HHIPL1: variants seen among roughly 807,000 people sequenced by gnomAD.
HHIPL1 encodes HHIP like 1.
Under a neutral mutation model 61.8 loss-of-function variants are expected in HHIPL1, and 43 were observed. The observed-to-expected ratio is 0.70, with a 90% confidence interval of 0.55 to 0.90. The LOEUF is 0.90. Among genes scored for constraint, HHIPL1 ranks in the 40% least tolerant of loss-of-function variants. The pLI is 0.00. For synonymous variants in HHIPL1, 482 were observed against 515.8 expected, an observed-to-expected ratio of 0.93 and a Z score of 0.89; for missense variants, 1,056 against 1,157.7, an observed-to-expected ratio of 0.91 and a Z score of 1.28.
chr14:99,615,871 A>G, the HHIPL1 span, among the ~76,000 whole-genome samples: 13,730 of 152,236 alleles, frequency 0.09, 707 homozygotes, highest in Non-Finnish European at 0.11. Flanking sequence ...CCTTGGTAGG[A>G]GTGCTTGGCT....
At chr14:99,604,553 T>G in the HHIPL1 span, 1 of 152,032 alleles carries the variant, frequency 6.6e-6, no homozygotes, top group Non-Finnish European at 1.5e-5. Flanking sequence ...CGGTTCAAGT[T>G]TCTGCGCCCG....
chr14:99,644,053 T>C (rs1413498404), upstream of HHIPL1, among the ~76,000 whole-genome samples: 1 of 152,172 alleles, frequency 6.6e-6, no homozygotes, highest in Non-Finnish European at 1.5e-5. Flanking sequence ...TCAGAGATGT[T>C]TGGCTGTGCG....
At chr14:99,663,294 G>A (rs1356289842) in intron 6 of HHIPL1, among the ~76,000 whole-genome samples, 1 of 152,168 alleles carries the variant, frequency 6.6e-6, no homozygotes, top group Non-Finnish European at 1.5e-5. Flanking sequence ...TAGAAGAATG[G>A]CCACTCCATA....
At chr14:99,656,859 G>A (rs551947549) in intron 2 of HHIPL1, 141 bp from the exon 3 acceptor site, 28,800 of 48,014 alleles carry the variant, frequency 0.6, 8,853 homozygotes, top group South Asian at 0.66. Context: ...AAGGAAGGAA[G>A]GAAGGAAGGA....
rs142945961 is a variant in HHIPL1 at position 99,649,234 on chromosome 14, T to C, written c.256-2990T>C. On this transcript the variant is annotated intron_variant, in intron 1 of 8. Coordinates refer to ENST00000330710, the MANE Select transcript of HHIPL1 (RefSeq NM_001127258.3). ...TCGGCCTGGCTCCCTGAGGGAACTT[T>C]TGCTCCCTCTGTAGTTCTGGATTGG... 2.2e-3 allele frequency among the ~76,000 whole-genome samples: 336 copies of C among 152,316 alleles called. 2 individuals are homozygous for C. Among genetic ancestry groups the C allele is most frequent in the African/African-American group, 7.8e-3 (323 of 41,570 alleles).
the HHIPL1 span, among the ~76,000 whole-genome samples, chr14:99,636,338 T>A: frequency 7.2e-5 from 11 of 152,114 alleles, no homozygotes; most frequent in African/African-American, 2.7e-4. Context: ...GACCTCCTGG[T>A]CCACGGGGTC....
chr14:99,639,403 G>A, the HHIPL1 span, among the ~76,000 whole-genome samples: 1 of 152,120 alleles, frequency 6.6e-6, no homozygotes, highest in Admixed American at 6.5e-5. Context: ...AGGCTGAAGT[G>A]CAGTGATCAT....
rs542621663 is a variant in HHIPL1 at position 99,660,319 on chromosome 14, G to A, written c.1415G>A (p.Gly472Asp). Residue 472 changes from glycine to aspartate, a missense_variant, in exon 5 of 9, where the codon GGC becomes GAC. Transcript: ENST00000330710. The surrounding 1 kb of genome is among the most constrained non-coding windows in gnomAD (Gnocchi z 4.9). ...LPIFAYPHTV[G>D]KSVTGGYVYR... Reference sequence around the variant, plus strand: ...ATTTTCGCCTACCCGCACACGGTTGGCAAGTCGGTCACAGGGGGCTACGTG... The same window carrying A: ...ATTTTCGCCTACCCGCACACGGTTGACAAGTCGGTCACAGGGGGCTACGTG... The A allele has an allele frequency of 6.2e-7, 1 of 1,614,086 alleles. No homozygotes were observed. Among genetic ancestry groups the A allele is most frequent in the East Asian group, 2.2e-5 (1 of 44,860 alleles).
At chr14:99,664,012 G>A (rs980223565) in intron 6 of HHIPL1, among the ~76,000 whole-genome samples, 4 of 152,196 alleles carry the variant, frequency 2.6e-5, no homozygotes, top group African/African-American at 7.2e-5. Context: ...CCTTCTTGCC[G>A]GTTAGTGGGT....
rs1361145641 is a variant in HHIPL1, at chr14:99,675,313, C to T, written c.2036C>T (p.Ala679Val). The T allele has an allele frequency of 2.2e-6, 3 of 1,352,672 alleles. No individual in the cohort carries two copies. Among genetic ancestry groups the T allele is most frequent in the Non-Finnish European group, 9.5e-7 (1 of 1,053,018 alleles). The allele number at this position is 1,352,672 out of a possible 1,614,324, so 83.8% of individuals were successfully genotyped here. Reference sequence around the variant, plus strand: ...GGCGAGGTGCGCCTGGTGCGGCCCGCGGGCCTGAGCTCTGGCAGCGGGCGC... The same window carrying T: ...GGCGAGGTGCGCCTGGTGCGGCCCGTGGGCCTGAGCTCTGGCAGCGGGCGC... ...RDGEVRLVRPAGLSSGSGRVE... is the reference protein window; with the variant it reads ...RDGEVRLVRPVGLSSGSGRVE... The change falls in exon 9 of 9, where the codon GCG (alanine) becomes GTG (valine). Residue 679 changes from alanine (A) to valine (V), a missense_variant. Transcript: ENST00000330710. The surrounding 1 kb of genome is among the most constrained non-coding windows in gnomAD (Gnocchi z 5.4).
chr14:99,652,487 C>T lies in HHIPL1; in HGVS notation c.519C>T (p.His173=), dbSNP rs372014488. Residue 173 remains histidine, a synonymous_variant, in exon 2 of 9, where the codon CAC becomes CAT. Transcript: ENST00000330710. The stretch of plus-strand genomic sequence containing the variant: ...AGAACCTCAACTCAAACCTGGGCCA[C>T]GTGGTAGCCGATGCCAAGGGCTGCC... ...VNKNLNSNLG[H]VVADAKGCLQ... The T allele has an allele frequency of 1.4e-5, 23 of 1,613,810 alleles. No individual in the cohort carries two copies. Among genetic ancestry groups the T allele is most frequent in the South Asian group, 8.8e-5 (8 of 91,084 alleles).
the HHIPL1 span, among the ~76,000 whole-genome samples, chr14:99,615,682 G>GGAAA: frequency 6.9e-6 from 1 of 145,342 alleles, no homozygotes; most frequent in African/African-American, 2.5e-5. Context: ...AAAGAAGGAA[G>GGAAA]GAAAGAAAGA....
At chr14:99,642,687 G>A (rs573201868), upstream of HHIPL1, among the ~76,000 whole-genome samples, 12 of 152,000 alleles carry the variant, frequency 7.9e-5, no homozygotes, top group East Asian at 5.8e-4. Flanking sequence ...CACCATGCCC[G>A]GCTAAATTTT....
chr14:99,673,459 G>A (rs2056346468), intron 8 of HHIPL1, among the ~76,000 whole-genome samples: 1 of 145,848 alleles, frequency 6.9e-6, no homozygotes, highest in Non-Finnish European at 1.5e-5. Flanking sequence ...TGTGTGCCAG[G>A]TACCGTGAGG....
At chr14:99,638,205 A>G in the HHIPL1 span, among the ~76,000 whole-genome samples, 15 of 152,082 alleles carry the variant, frequency 9.9e-5, no homozygotes, top group Non-Finnish European at 1.9e-4. Context: ...GCAATGGCTC[A>G]CTCACTCCCC....
At chr14:99,628,953 C>T in the HHIPL1 span, among the ~76,000 whole-genome samples, 3 of 152,230 alleles carry the variant, frequency 2.0e-5, no homozygotes, top group Admixed American at 6.5e-5. Flanking sequence ...CTCCGAGGAG[C>T]CTCCCCTGAT....
At chr14:99,631,048 T>TCTTC in the HHIPL1 span, among the ~76,000 whole-genome samples, 25 of 120,506 alleles carry the variant, frequency 2.1e-4, no homozygotes, top group African/African-American at 7.7e-4. Flanking sequence ...AGTGGCTCCA[T>TCTTC]TTTCTTTCTT....
intron 7 of HHIPL1, among the ~76,000 whole-genome samples, chr14:99,671,659 G>A (rs571496970): frequency 4.6e-5 from 7 of 152,276 alleles, no homozygotes; most frequent in Admixed American, 3.3e-4. Context: ...TCCCTATTGT[G>A]CCCTTAAAAA....
Position 99,660,375 on chromosome 14 carries a change from G to T in HHIPL1, c.1471G>T (p.Gly491Cys). Residue 491 changes from glycine (G) to cysteine (C), a missense_variant, in exon 5 of 9, where the codon GGC (glycine) becomes TGC (cysteine). Transcript: ENST00000330710. The surrounding 1 kb of genome is among the most constrained non-coding windows in gnomAD (Gnocchi z 4.9). The part of the protein sequence containing the change: ...YRGCEYPNLN[G>C]LYIFGDFMSG... ...GGGCTGCGAGTACCCCAACCTGAACGGCCTCTACATTTTTGGGGATTTCAT... is the reference window on the plus strand; with the variant it reads ...GGGCTGCGAGTACCCCAACCTGAACTGCCTCTACATTTTTGGGGATTTCAT... The T allele has an allele frequency of 6.2e-7, 1 of 1,613,844 alleles. No individual in the cohort carries two copies. Among genetic ancestry groups the T allele is most frequent in the Non-Finnish European group, 8.5e-7 (1 of 1,179,808 alleles).
Sources: allele counts gnomAD v4.1 joint callset (sites outside exome capture counted in the v4.1 genomes callset), GRCh38; gene constraint gnomAD v4.1.1; non-coding constraint Gnocchi (gnomAD v3.1); transcripts MANE v1.5; gene names NCBI Gene and HGNC (gene_info 2026-07-23, HGNC 2026-07-21).